The following ST6GALNAC3 variants were observed in gnomAD, a reference collection of about 807,000 sequenced individuals.
The protein encoded by ST6GALNAC3 is alpha-N-acetylgalactosaminide alpha-2,6-sialyltransferase 3.
In ST6GALNAC3, 25 loss-of-function variants were observed where a neutral mutation model predicts 32.7. The ratio of observed to expected loss-of-function variants is 0.76; its 90% CI spans 0.56 to 1.07. The LOEUF (loss-of-function observed/expected upper bound fraction) is 1.07, where lower values mean the gene tolerates loss of function less well. ST6GALNAC3 is among the 50% of genes least tolerant of loss of function. ST6GALNAC3 has a pLI of 0.00. For synonymous variants in ST6GALNAC3, 129 were observed against 133.1 expected (o/e 0.97, Z 0.21); for missense variants, 355 against 382.4 (o/e 0.93, Z 0.60).
In ST6GALNAC3 at chr1:76,632,122, A is replaced by G. The variant is rs182459852; in HGVS notation, c.*3316A>G. On this transcript the variant is annotated 3_prime_UTR_variant, in exon 5 of 5. Coordinates refer to ENST00000328299, the MANE Select transcript of ST6GALNAC3 (RefSeq NM_152996.4). ...TATATAAAAGCATATATATAATCCT[A>G]TATTCTTCACTGGTGCATGTGAATC... is the stretch of plus-strand genomic sequence containing the variant. The G allele has an allele frequency of 8.9e-4, 135 of 152,222 alleles. No homozygotes were observed. In the East Asian group the frequency reaches 0.02, roughly 23 times the overall value. The allele number at this position is 152,222 out of a possible 1,614,324, so 9.4% of individuals were successfully genotyped here.
chr1:76,376,570 T>G (rs1651253275), intron 2 of ST6GALNAC3, among the ~76,000 whole-genome samples: 1 of 152,194 alleles, frequency 6.6e-6, no homozygotes, highest in Non-Finnish European at 1.5e-5. Context: ...ATGTAACCTT[T>G]TGAGATAGGA....
At chr1:76,314,786 G>A (rs1646833680) in intron 2 of ST6GALNAC3, among the ~76,000 whole-genome samples, 1 of 152,170 alleles carries the variant, frequency 6.6e-6, no homozygotes, top group South Asian at 2.1e-4. Flanking sequence ...GTCCAAGCCT[G>A]TTTGAAATTG....
At chr1:76,426,549 A>G (rs1035304753) in intron 3 of ST6GALNAC3, among the ~76,000 whole-genome samples, 1 of 149,928 alleles carries the variant, frequency 6.7e-6, no homozygotes, top group African/African-American at 2.5e-5. Context: ...TTACAGATAT[A>G]TATATATATA....
intron 3 of ST6GALNAC3, among the ~76,000 whole-genome samples, chr1:76,435,857 T>C (rs970197265): frequency 1.7e-5 from 2 of 115,090 alleles, no homozygotes; most frequent in African/African-American, 6.4e-5. Context: ...TTTTCTTTTT[T>C]TATTTTTTTT....
intron 1 of ST6GALNAC3, among the ~76,000 whole-genome samples, chr1:76,264,208 G>A (rs1658405122): frequency 6.6e-6 from 1 of 152,116 alleles, no homozygotes; most frequent in Non-Finnish European, 1.5e-5. Flanking sequence ...GAAAGTGTTA[G>A]GAGGGAGTTG....
chr1:76,565,558 C>T (rs1471622594), intron 3 of ST6GALNAC3, among the ~76,000 whole-genome samples: 1 of 152,176 alleles, frequency 6.6e-6, no homozygotes, highest in African/African-American at 2.4e-5. Context: ...CCTCCCAGCT[C>T]GGTAGACATG....
intron 2 of ST6GALNAC3, among the ~76,000 whole-genome samples, chr1:76,380,038 A>G (rs1022471563): frequency 4.6e-5 from 7 of 152,184 alleles, no homozygotes; most frequent in Non-Finnish European, 7.3e-5. Context: ...AGAAAAACAT[A>G]TGGCAGCTAA....
At chr1:76,326,712 TTAAAATGA>T (rs1647077181) in intron 2 of ST6GALNAC3, among the ~76,000 whole-genome samples, 1 of 152,108 alleles carries the variant, frequency 6.6e-6, no homozygotes, top group Admixed American at 6.6e-5. Flanking sequence ...GTGCCAGCTC[TTAAAATGA>T]TATGTGTAAC....
intron 3 of ST6GALNAC3, among the ~76,000 whole-genome samples, chr1:76,463,647 C>A (rs898968265): frequency 3.3e-5 from 5 of 152,196 alleles, no homozygotes; most frequent in Middle Eastern, 3.2e-3. Context: ...ATGAGATTCA[C>A]TTTCTGCTCT....
chr1:76,400,577 T>G (rs2101210215), intron 2 of ST6GALNAC3, among the ~76,000 whole-genome samples: 1 of 152,290 alleles, frequency 6.6e-6, no homozygotes, highest in South Asian at 2.1e-4. Flanking sequence ...GTTTGAAAAC[T>G]TCTGTCCTCT....
intron 1 of ST6GALNAC3, among the ~76,000 whole-genome samples, chr1:76,181,878 A>G (rs900224884): frequency 1.4e-4 from 21 of 152,236 alleles, no homozygotes; most frequent in African/African-American, 4.6e-4. Flanking sequence ...AAAAAAATGA[A>G]TGCAAATCAG....
intron 1 of ST6GALNAC3, among the ~76,000 whole-genome samples, chr1:76,263,298 C>A (rs1190253169): frequency 6.6e-6 from 1 of 152,096 alleles, no homozygotes; most frequent in Non-Finnish European, 1.5e-5. Flanking sequence ...TGCAAAGCAC[C>A]TATAGTGCTT....
At chr1:76,572,309 C>A (rs927316761) in intron 3 of ST6GALNAC3, among the ~76,000 whole-genome samples, 2 of 152,070 alleles carry the variant, frequency 1.3e-5, no homozygotes, top group Non-Finnish European at 2.9e-5. Context: ...GCAAATGAAG[C>A]AGTGCCTGTG....
intron 3 of ST6GALNAC3, among the ~76,000 whole-genome samples, chr1:76,622,418 A>C (rs1481500237): frequency 6.6e-6 from 1 of 151,972 alleles, no homozygotes; most frequent in Non-Finnish European, 1.5e-5. Flanking sequence ...TTGGATGAAG[A>C]AAATCAGGGG....
intron 1 of ST6GALNAC3, among the ~76,000 whole-genome samples, chr1:76,185,915 C>T (rs61773764): frequency 0.11 from 16,347 of 152,130 alleles, 1,023 homozygotes; most frequent in Non-Finnish European, 0.14. Context: ...GCATTTATAT[C>T]GTGTTAGGTA....
At position 76,100,876 on chromosome 1, in the gene ST6GALNAC3, G is replaced by T. The variant is rs943553108; in HGVS notation, c.18+25992G>T. ...TTTAATGGACATTTTTTTAATGCCA[G>T]TTTTAGATTCACAACAAAATTGAGC... On this transcript the variant is annotated intron_variant, in intron 1 of 4. Transcript: ENST00000328299. 2.0e-5 allele frequency among the ~76,000 whole-genome samples: 3 copies of T among 150,906 alleles called. No individual in the cohort carries two copies. The Admixed American group carries it at 2.0e-4, about 10-fold the overall frequency.
intron 3 of ST6GALNAC3, among the ~76,000 whole-genome samples, chr1:76,608,713 T>C (rs1226412612): frequency 6.6e-6 from 1 of 152,012 alleles, no homozygotes; most frequent in Non-Finnish European, 1.5e-5. Context: ...GCAATTTTTA[T>C]ATTAAAAAAT....
At chr1:76,237,267 G>A (rs1656708954) in intron 1 of ST6GALNAC3, among the ~76,000 whole-genome samples, 2 of 152,158 alleles carry the variant, frequency 1.3e-5, no homozygotes, top group African/African-American at 4.8e-5. Flanking sequence ...CCAGGTAGCT[G>A]GGACTACAGA....
At chr1:76,135,585 C>T (rs1445554665) in intron 1 of ST6GALNAC3, among the ~76,000 whole-genome samples, 1 of 152,156 alleles carries the variant, frequency 6.6e-6, no homozygotes, top group Non-Finnish European at 1.5e-5. Context: ...ATGGGGCTGA[C>T]TTGAAAAGCC....
Sources: allele counts gnomAD v4.1 joint callset (sites outside exome capture counted in the v4.1 genomes callset), GRCh38; gene constraint gnomAD v4.1.1; transcripts MANE v1.5; gene names NCBI Gene and HGNC (gene_info 2026-07-23, HGNC 2026-07-21).